Variants in INPP4B observed in about 807,000 individuals in gnomAD.
INPP4B encodes inositol polyphosphate 4-phosphatase type II.
A neutral mutation model predicts 122.5 loss-of-function variants in INPP4B; 55 were observed. The ratio of observed to expected loss-of-function variants is 0.45; its 90% CI spans 0.36 to 0.56. The LOEUF (loss-of-function observed/expected upper bound fraction) is 0.56, where lower values mean the gene tolerates loss of function less well. Among genes scored for constraint, INPP4B ranks in the 20% least tolerant of loss-of-function variants. The pLI is 0.00. For missense variants in INPP4B, 1,000 were observed against 1,097.7 expected (o/e 0.91, Z 1.26); for synonymous variants, 403 against 388.7 (o/e 1.04, Z -0.43).
intron 7 of INPP4B, among the ~76,000 whole-genome samples, chr4:142,402,554 T>C (rs1161606812): frequency 6.6e-6 from 1 of 152,184 alleles, no homozygotes; most frequent in African/African-American, 2.4e-5. Flanking sequence ...ATGCAATACA[T>C]TGTAAAAGTA....
intron 2 of INPP4B, among the ~76,000 whole-genome samples, chr4:142,725,118 T>C (rs546487203): frequency 2.0e-5 from 3 of 152,242 alleles, no homozygotes; most frequent in African/African-American, 4.8e-5. Flanking sequence ...TCATAAAACA[T>C]ACACACATTG....
In INPP4B at chr4:142,542,992, A is replaced by G. The variant is rs141152907; in HGVS notation, c.-190-80266T>C. On this transcript the variant is annotated intron_variant, in intron 2 of 25. Transcript: ENST00000262992. Reference sequence around the variant, plus strand: ...AGAAAAAAAATGTATATGTATGCTTAAAGCGGTATCTTTCTTATTATTATT... The same window carrying G: ...AGAAAAAAAATGTATATGTATGCTTGAAGCGGTATCTTTCTTATTATTATT... Among the ~76,000 whole-genome samples, 971 of 152,280 alleles carry G rather than the reference A, an allele frequency of 6.4e-3. 24 individuals are homozygous for G. The highest frequency in any genetic ancestry group is 0.033 in the Admixed American group (498 of 15,290).
chr4:142,436,623 A>G (rs1810583586), intron 3 of INPP4B, among the ~76,000 whole-genome samples: 1 of 152,122 alleles, frequency 6.6e-6, no homozygotes, highest in Non-Finnish European at 1.5e-5. Flanking sequence ...CCAGATGAAT[A>G]GGGCCTGAAG....
intron 2 of INPP4B, among the ~76,000 whole-genome samples, chr4:142,488,838 A>T (rs982306326): frequency 1.3e-5 from 2 of 149,510 alleles, no homozygotes; most frequent in African/African-American, 4.9e-5. Flanking sequence ...CCAGTCTTTT[A>T]TTTTTTTTCA....
intron 2 of INPP4B, among the ~76,000 whole-genome samples, chr4:142,464,754 C>T (rs2149619354): frequency 6.6e-6 from 1 of 152,192 alleles, no homozygotes; most frequent in South Asian, 2.1e-4. Flanking sequence ...CTATATCAAA[C>T]TTTCACCAGG....
intron 2 of INPP4B, among the ~76,000 whole-genome samples, chr4:142,554,334 T>C (rs1196208104): frequency 7.2e-6 from 1 of 139,642 alleles, no homozygotes; most frequent in African/African-American, 2.7e-5. Flanking sequence ...AACTCCATAG[T>C]CCAGTACTAT....
intron 2 of INPP4B, among the ~76,000 whole-genome samples, chr4:142,483,110 G>T (rs1446857313): frequency 1.4e-5 from 2 of 145,596 alleles, no homozygotes; most frequent in Non-Finnish European, 3.0e-5. Flanking sequence ...GTATGTAATT[G>T]TCCCCAGTGA....
At chr4:142,304,698 G>A (rs1238267031) in intron 9 of INPP4B, among the ~76,000 whole-genome samples, 1 of 151,992 alleles carries the variant, frequency 6.6e-6, no homozygotes, top group African/African-American at 2.4e-5. Flanking sequence ...TTTACAAATG[G>A]TATTCTATGC....
intron 16 of INPP4B, among the ~76,000 whole-genome samples, chr4:142,164,584 A>G (rs1179510548): frequency 2.0e-5 from 3 of 151,780 alleles, no homozygotes; most frequent in African/African-American, 7.2e-5. Context: ...ACATTTGGGC[A>G]GCTCATATAT....
intron 12 of INPP4B, among the ~76,000 whole-genome samples, chr4:142,212,876 A>G (rs1845502169): frequency 6.6e-6 from 1 of 152,230 alleles, no homozygotes; most frequent in Non-Finnish European, 1.5e-5. Flanking sequence ...AGCATCCTAC[A>G]TCAGTGATTG....
intron 7 of INPP4B, among the ~76,000 whole-genome samples, chr4:142,315,207 T>C (rs1043869563): frequency 1.3e-4 from 18 of 140,438 alleles, no homozygotes; most frequent in African/African-American, 4.6e-4. Context: ...TATTGCAATG[T>C]CATTATGTAC....
chr4:142,186,621 T>G (rs1412643357), intron 15 of INPP4B, among the ~76,000 whole-genome samples: 1 of 152,254 alleles, frequency 6.6e-6, no homozygotes, highest in Non-Finnish European at 1.5e-5. Flanking sequence ...TCAGATTGGT[T>G]TATTTTAAAG....
chr4:142,138,049 G>T, intron 18 of INPP4B, among the ~76,000 whole-genome samples: 1 of 151,900 alleles, frequency 6.6e-6, no homozygotes, highest in African/African-American at 2.4e-5. Flanking sequence ...TATACTCAAA[G>T]GACTATAAAT....
intron 18 of INPP4B, among the ~76,000 whole-genome samples, chr4:142,136,257 T>A (rs866466364): frequency 1.3e-5 from 2 of 152,126 alleles, no homozygotes; most frequent in African/African-American, 4.8e-5. Context: ...GGCGTGAAGA[T>A]GGAAGGTCGG....
rs1177420017 is a variant in INPP4B, at chr4:142,025,641, T to C, written c.*3141A>G. The C allele has an allele frequency of 6.6e-6, 1 of 152,186 alleles. No homozygotes were observed. Among genetic ancestry groups the C allele is most frequent in the Non-Finnish European group, 1.5e-5 (1 of 68,028 alleles). The allele number at this position is 152,186 out of a possible 1,614,324, so 9.4% of individuals were successfully genotyped here. On this transcript the variant is annotated 3_prime_UTR_variant, in exon 26 of 26. Transcript: ENST00000262992. ...AGTTTCTCTCCTTTTTTACCTCTTA[T>C]TTTATGTAAAGTGCCATACATAGCT...
chr4:142,547,244 T>C (rs1445039055), intron 2 of INPP4B, among the ~76,000 whole-genome samples: 1 of 151,996 alleles, frequency 6.6e-6, no homozygotes, highest in African/African-American at 2.4e-5. Flanking sequence ...GTGTTTTGTA[T>C]ACAAGTAGTA....
At chr4:142,831,525 C>T (rs577380519) in intron 1 of INPP4B, among the ~76,000 whole-genome samples, 45 of 152,306 alleles carry the variant, frequency 3.0e-4, no homozygotes, top group African/African-American at 1.0e-3. Context: ...ATGTCTTCTA[C>T]AAGGATTCAC....
At chr4:142,501,286 GACA>G (rs1233510461) in intron 2 of INPP4B, among the ~76,000 whole-genome samples, 4 of 152,130 alleles carry the variant, frequency 2.6e-5, no homozygotes, top group African/African-American at 9.7e-5. Context: ...CAAGAACTGA[GACA>G]ACAAAGAAGA....
At chr4:142,333,025 A>C (rs1579764231) in intron 7 of INPP4B, among the ~76,000 whole-genome samples, 1 of 150,574 alleles carries the variant, frequency 6.6e-6, no homozygotes, top group African/African-American at 2.4e-5. Context: ...AAAAAAAAAA[A>C]AACAAAAAAA....
Sources: allele counts gnomAD v4.1 joint callset (sites outside exome capture counted in the v4.1 genomes callset), GRCh38; gene constraint gnomAD v4.1.1; transcripts MANE v1.5; gene names NCBI Gene and HGNC (gene_info 2026-07-23, HGNC 2026-07-21).